Variants in OR4D1 observed in about 807,000 individuals in gnomAD.
OR4D1 encodes the protein olfactory receptor 4D1.
In OR4D1, 10 loss-of-function variants were observed where a neutral mutation model predicts 14.2. The observed-to-expected ratio is 0.71, with a 90% CI of 0.44 to 1.20. The LOEUF (loss-of-function observed/expected upper bound fraction) is 1.20, where lower values mean the gene tolerates loss of function less well. Ranked by LOEUF, OR4D1 falls within the 50% of genes most tolerant of loss-of-function variation. OR4D1 has a pLI of 0.00. For synonymous variants in OR4D1, 141 were observed against 147.4 expected (o/e 0.96, Z 0.32); for missense variants, 345 against 376.6 (o/e 0.92, Z 0.70).
At position 58,156,345 on chromosome 17, in the gene OR4D1, G is replaced by A. The variant is rs896108370; in HGVS notation, c.*259G>A. 2 of 335,136 alleles carry A rather than the reference G, an allele frequency of 6.0e-6. No homozygotes were observed. Among genetic ancestry groups the A allele is most frequent in the Admixed American group, 9.0e-5 (2 of 22,174 alleles). The allele number at this position is 335,136 out of a possible 1,614,324, so 20.8% of individuals were successfully genotyped here. A position where few individuals can be genotyped will look rare whatever the true frequency, so the allele number is the denominator to read the frequency against. On this transcript the variant is annotated 3_prime_UTR_variant, in exon 4 of 4. Transcript: ENST00000268912. ...GGCTCACTGCAACCTCCACCTCCCG[G>A]GTTCAATGATTCTCCTGCCTCAGCC...
Position 58,157,957 on chromosome 17 carries a change from TG to T in OR4D1, c.*1872del. 1.5e-6 allele frequency: 1 copy of T among 664,554 alleles called. No homozygotes were observed. The highest frequency in any genetic ancestry group is 1.8e-5 in the African/African-American group (1 of 56,386). The allele number at this position is 664,554 out of a possible 1,614,324, so 41.2% of individuals were successfully genotyped here. On this transcript the variant is annotated 3_prime_UTR_variant, in exon 4 of 4. Coordinates refer to ENST00000268912, the MANE Select transcript of OR4D1 (RefSeq NM_001386095.1). ...GGCCGGCAGGGCCACACGACACAGCTGAAGTTTGTTCTTTAGGCGGAGGCAC... is the reference window on the plus strand; with the variant it reads ...GGCCGGCAGGGCCACACGACACAGCTAAGTTTGTTCTTTAGGCGGAGGCAC...
At chr17:58,153,692 A>C (rs1967729700) in intron 2 of OR4D1, among the ~76,000 whole-genome samples, 165 bp from the exon 3 acceptor site, 1 of 152,176 alleles carries the variant, frequency 6.6e-6, no homozygotes, top group Non-Finnish European at 1.5e-5. Flanking sequence ...CTTGGGACAA[A>C]TTTTTCTGAA....
intron 3 of OR4D1, 39 bp from the exon 4 acceptor site, chr17:58,155,096 T>G: frequency 7.9e-7 from 1 of 1,265,546 alleles, no homozygotes; most frequent in Non-Finnish European, 1.1e-6. Flanking sequence ...AATTTTCATT[T>G]TTTTTGTTTG....
Position 58,157,288 on chromosome 17 carries a change from A to G in OR4D1, c.*1202A>G. On this transcript the variant is annotated 3_prime_UTR_variant, in exon 4 of 4. Transcript: ENST00000268912. Reference sequence around the variant, plus strand: ...GCGCACAGCCCCGGGCCGCTGATCAAGCCCTTCGAGACCGCCTCGGTCAAG... The same window carrying G: ...GCGCACAGCCCCGGGCCGCTGATCAGGCCCTTCGAGACCGCCTCGGTCAAG... 3 of 1,503,598 alleles carry G rather than the reference A, an allele frequency of 2.0e-6. 1 individual carries two copies. The highest frequency in any genetic ancestry group is 2.7e-6 in the Non-Finnish European group (3 of 1,124,868). The allele number at this position is 1,503,598 out of a possible 1,614,324, so 93.1% of individuals were successfully genotyped here.
rs898614196 is a variant in OR4D1 at position 58,158,185 on chromosome 17, G to A, written c.*2099G>A. The A allele has an allele frequency of 2.6e-5, 4 of 152,224 alleles. No homozygotes were observed. The highest frequency in any genetic ancestry group is 9.7e-5 in the African/African-American group (4 of 41,406). The allele number at this position is 152,224 out of a possible 1,614,324, so 9.4% of individuals were successfully genotyped here. On this transcript the variant is annotated 3_prime_UTR_variant, in exon 4 of 4. Coordinates refer to ENST00000268912, the MANE Select transcript of OR4D1 (RefSeq NM_001386095.1). Reference sequence around the variant, plus strand: ...TTCCTATATGTCACCTTCTTAAAGAGACTGTGTAAGTCCATTTGTTGTGTT... The same window carrying A: ...TTCCTATATGTCACCTTCTTAAAGAAACTGTGTAAGTCCATTTGTTGTGTT...
chr17:58,150,193 G>A (rs1024723937), intron 2 of OR4D1, among the ~76,000 whole-genome samples: 12 of 149,534 alleles, frequency 8.0e-5, no homozygotes, highest in African/African-American at 2.9e-4. Flanking sequence ...AGAAAGGTAG[G>A]AGCCTGTTTG....
Position 58,156,269 on chromosome 17 carries a change from T to C in OR4D1, c.*183T>C, listed in dbSNP as rs1967772914. On this transcript the variant is annotated 3_prime_UTR_variant, in exon 4 of 4. Coordinates refer to ENST00000268912, the MANE Select transcript of OR4D1 (RefSeq NM_001386095.1). ...CGCTTTTTTTCTTTTTTTTTTTTTT[T>C]AGATGGAGCCTTGCTCTGTCACCCA... is the stretch of plus-strand genomic sequence containing the variant. 3 of 543,936 alleles carry C rather than the reference T, an allele frequency of 5.5e-6. No individual in the cohort carries two copies. The allele number at this position is 543,936 out of a possible 1,614,324, so 33.7% of individuals were successfully genotyped here.
Position 58,157,447 on chromosome 17 carries a change from T to TA in OR4D1, c.*1362dup, listed in dbSNP as rs1009931268. On this transcript the variant is annotated 3_prime_UTR_variant, in exon 4 of 4. Transcript: ENST00000268912. ...CCAATCCGAAGCCGCGCACAGCCTT[T>TA]ACCACGTCCCAGCTCCTCGCTCTGG... The TA allele has an allele frequency of 2.3e-5, 25 of 1,110,018 alleles. No homozygotes were observed. The African/African-American group carries it at 2.8e-4, about 12-fold the overall frequency. 68.8% of individuals were successfully genotyped at this position (1,110,018 alleles called of 1,614,324 possible).
intron 2 of OR4D1, among the ~76,000 whole-genome samples, 154 bp downstream of exon 2, chr17:58,149,950 A>G (rs933093901): frequency 6.6e-6 from 1 of 152,246 alleles, no homozygotes; most frequent in Admixed American, 6.5e-5. Flanking sequence ...GAGATAATTT[A>G]TGGTACTTAC....
chr17:58,149,900 G>A (rs1967679837), intron 2 of OR4D1, 104 bp downstream of exon 2: 1 of 152,172 alleles, frequency 6.6e-6, no homozygotes, highest in African/African-American at 2.4e-5. Context: ...GGAGAAATTA[G>A]TTAACCTATT....
At position 58,157,615 on chromosome 17, in the gene OR4D1, G is replaced by A; in HGVS notation, c.*1529G>A. The A allele has an allele frequency of 6.2e-7, 1 of 1,613,760 alleles. No homozygotes were observed. The highest frequency in any genetic ancestry group is 1.1e-5 in the South Asian group (1 of 91,044). On this transcript the variant is annotated 3_prime_UTR_variant, in exon 4 of 4. Transcript: ENST00000268912. The stretch of plus-strand genomic sequence containing the variant: ...CGAAAAGACTGCAGGAGTCAGAACT[G>A]GAAAAGCTGAAAATGGCTGCAAAAC...
At chr17:58,154,165 G>T (rs1257596508) in intron 3 of OR4D1, among the ~76,000 whole-genome samples, 1 of 151,770 alleles carries the variant, frequency 6.6e-6, no homozygotes, top group Non-Finnish European at 1.5e-5. Context: ...TAGCTATGTT[G>T]CCCAGGCTGG....
intron 2 of OR4D1, among the ~76,000 whole-genome samples, chr17:58,150,890 C>T (rs909705544): frequency 6.6e-6 from 1 of 152,174 alleles, no homozygotes; most frequent in African/African-American, 2.4e-5. Flanking sequence ...CCCGACAGTG[C>T]TCATGCTAAG....
At chr17:58,151,856 A>C (rs944542210) in intron 2 of OR4D1, among the ~76,000 whole-genome samples, 58 of 152,186 alleles carry the variant, frequency 3.8e-4, no homozygotes, top group Non-Finnish European at 4.0e-4. Context: ...CATTTTTAAA[A>C]ATTAGTTTTC....
At position 58,154,905 on chromosome 17, in the gene OR4D1, GA is replaced by G. The variant is rs1156467282; in HGVS notation, c.-19-224del. Among the ~76,000 whole-genome samples the G allele has an allele frequency of 3.9e-5, 6 of 152,250 alleles. No individual in the cohort carries two copies. The East Asian group carries it at 1.2e-3, about 29-fold the overall frequency. Reference sequence around the variant, plus strand: ...TGGTTGAGGACAGCATGGCCGAAGGGAAAAAAGACCCAGATTCTTGTAATAT... The same window carrying G: ...TGGTTGAGGACAGCATGGCCGAAGGGAAAAAGACCCAGATTCTTGTAATAT... On this transcript the variant is annotated intron_variant, in intron 3 of 3. Transcript: ENST00000268912.
chr17:58,157,947 A>G lies in OR4D1; in HGVS notation c.*1861A>G, dbSNP rs1297877866. 2 of 721,680 alleles carry G rather than the reference A, an allele frequency of 2.8e-6. No individual in the cohort carries two copies. The highest frequency in any genetic ancestry group is 2.3e-5 in the Admixed American group (1 of 43,186). 44.7% of individuals were successfully genotyped at this position (721,680 alleles called of 1,614,324 possible). ...TAAGCGGCTAGGCCGGCAGGGCCAC[A>G]CGACACAGCTGAAGTTTGTTCTTTA... On this transcript the variant is annotated 3_prime_UTR_variant, in exon 4 of 4. Transcript: ENST00000268912.
At position 58,157,666 on chromosome 17, in the gene OR4D1, C is replaced by T; in HGVS notation, c.*1580C>T. The T allele has an allele frequency of 1.9e-6, 3 of 1,613,946 alleles. No individual in the cohort carries two copies. Among genetic ancestry groups the T allele is most frequent in the Non-Finnish European group, 2.5e-6 (3 of 1,179,854 alleles). ...CTATGCTACCCTCCAGCTTCAGTCTCCCTTTCCCCATCAGCTCGCCCCTGC... is the reference window on the plus strand; with the variant it reads ...CTATGCTACCCTCCAGCTTCAGTCTTCCTTTCCCCATCAGCTCGCCCCTGC... On this transcript the variant is annotated 3_prime_UTR_variant, in exon 4 of 4. Transcript: ENST00000268912.
At position 58,155,494 on chromosome 17, in the gene OR4D1, T is replaced by C. The variant is rs754337732; in HGVS notation, c.341T>C (p.Phe114Ser). 44 of 1,614,082 alleles carry C rather than the reference T, an allele frequency of 2.7e-5. No individual in the cohort carries two copies. The East Asian group carries it at 9.6e-4, about 35-fold the overall frequency. ...CTTTTGGGAGGTGGGACTGTCTTTT[T>C]TCTCTCAGTCATGGCCTATGACCGC... ...FHLLGGGTVF[F>S]LSVMAYDRYI... Residue 114 changes from phenylalanine (F) to serine (S), a missense_variant, in exon 4 of 4, where the codon TTT (phenylalanine) becomes TCT (serine). By Grantham distance (155) the Phe-to-Ser change is radical. Coordinates refer to ENST00000268912, the MANE Select transcript of OR4D1 (RefSeq NM_001386095.1).
chr17:58,157,797 T>A lies in OR4D1; in HGVS notation c.*1711T>A. On this transcript the variant is annotated 3_prime_UTR_variant, in exon 4 of 4. Coordinates refer to ENST00000268912, the MANE Select transcript of OR4D1 (RefSeq NM_001386095.1). Reference sequence around the variant, plus strand: ...CCAGTGGGATATGGCATGTACCACCTGTCCTAAGGAAGACCAGATCAATAG... The same window carrying A: ...CCAGTGGGATATGGCATGTACCACCAGTCCTAAGGAAGACCAGATCAATAG... The A allele has an allele frequency of 6.2e-7, 1 of 1,607,082 alleles. No individual in the cohort carries two copies. Among genetic ancestry groups the A allele is most frequent in the South Asian group, 1.1e-5 (1 of 91,052 alleles).
Sources: gnomAD v4.1 joint callset for allele counts (sites outside exome capture counted in the v4.1 genomes callset) on GRCh38, gnomAD v4.1.1 for gene constraint, MANE v1.5 for transcripts, NCBI Gene and HGNC (gene_info 2026-07-23, HGNC 2026-07-21) for gene names.